The following GAB1 variants were observed in gnomAD, a reference collection of about 807,000 sequenced individuals.
GAB1 encodes GRB2 associated binding protein 1.
GAB1 carries 19 observed loss-of-function variants against 66.5 expected under a neutral mutation model. The observed-to-expected ratio is 0.29, with a 90% confidence interval of 0.20 to 0.42. The LOEUF is 0.42. Among genes scored for constraint, GAB1 ranks in the 10% least tolerant of loss-of-function variants. GAB1 has a pLI of 1.00. For missense variants in GAB1, 732 were observed against 858.5 expected (o/e 0.85, Z 1.84); for synonymous variants, 294 against 301.4 (o/e 0.98, Z 0.25).
At chr4:143,387,807 A>G (rs188950884) in intron 1 of GAB1, among the ~76,000 whole-genome samples, 91 of 152,240 alleles carry the variant, frequency 6.0e-4, no homozygotes, top group African/African-American at 2.1e-3. Flanking sequence ...CAAGCCTCTA[A>G]GGTCCTCCCG....
intron 2 of GAB1, 100 bp downstream of exon 2, chr4:143,415,871 G>A (rs1475138007): frequency 2.1e-6 from 2 of 936,456 alleles, no homozygotes; most frequent in Non-Finnish European, 3.1e-6. Context: ...ACAATATAAT[G>A]TTTTATTTTT....
In GAB1 at chr4:143,443,096, A is replaced by G. The variant is rs1734328351; in HGVS notation, c.1585+2714A>G. ...CAGTGGCGCGATCTCGGCTCACTGC[A>G]AGCTCCGCCTCTGGGGTTCACGCCA... On this transcript the variant is annotated intron_variant, in intron 6 of 9. Transcript: ENST00000262994. Among the ~76,000 whole-genome samples the G allele has an allele frequency of 2.7e-5, 4 of 147,200 alleles. No homozygotes were observed. The South Asian group carries it at 8.5e-4, about 31-fold the overall frequency.
chr4:143,451,865 C>T (rs958051984), intron 6 of GAB1, among the ~76,000 whole-genome samples: 9 of 151,130 alleles, frequency 6.0e-5, no homozygotes, highest in African/African-American at 2.2e-4. Flanking sequence ...TCATCACTTT[C>T]AGAGAAACAA....
At chr4:143,445,910 A>C (rs1270461482) in intron 6 of GAB1, among the ~76,000 whole-genome samples, 1 of 152,144 alleles carries the variant, frequency 6.6e-6, no homozygotes, top group African/African-American at 2.4e-5. Flanking sequence ...GTCATTTAAC[A>C]TTAGGTATAT....
chr4:143,431,345 G>C (rs1401066586), intron 2 of GAB1, among the ~76,000 whole-genome samples: 1 of 152,124 alleles, frequency 6.6e-6, no homozygotes, highest in East Asian at 1.9e-4. Context: ...ATTAAGGGTG[G>C]CAAGGCAAAA....
chr4:143,426,738 G>A (rs1464189473), intron 2 of GAB1, among the ~76,000 whole-genome samples: 1 of 152,016 alleles, frequency 6.6e-6, no homozygotes, highest in Non-Finnish European at 1.5e-5. Flanking sequence ...TATTATTCAG[G>A]CTTCATTATT....
chr4:143,406,048 G>A (rs1215556724), intron 1 of GAB1, among the ~76,000 whole-genome samples: 2 of 152,094 alleles, frequency 1.3e-5, no homozygotes, highest in Non-Finnish European at 2.9e-5. Flanking sequence ...TATTTACTCA[G>A]TTTCCTACTG....
chr4:143,414,170 G>A (rs1732557005), intron 1 of GAB1, among the ~76,000 whole-genome samples: 1 of 152,082 alleles, frequency 6.6e-6, no homozygotes, highest in Non-Finnish European at 1.5e-5. Context: ...TGAATCTGGA[G>A]CAGAGAATGT....
At chr4:143,368,641 C>T (rs1216189801) in intron 1 of GAB1, among the ~76,000 whole-genome samples, 2 of 151,986 alleles carry the variant, frequency 1.3e-5, no homozygotes, top group Admixed American at 1.3e-4. Flanking sequence ...ATTTTTTCCT[C>T]TTTGCTTATA....
intron 2 of GAB1, among the ~76,000 whole-genome samples, chr4:143,427,422 G>A (rs886861507): frequency 2.0e-5 from 3 of 151,944 alleles, no homozygotes; most frequent in Admixed American, 6.6e-5. Context: ...TAGACAAACC[G>A]GGTTATTAAA....
chr4:143,390,360 G>A (rs906544657), intron 1 of GAB1, among the ~76,000 whole-genome samples: 2 of 151,302 alleles, frequency 1.3e-5, no homozygotes, highest in Non-Finnish European at 2.9e-5. Context: ...AGATACCACC[G>A]AAGAAAAATC....
At chr4:143,457,823 T>C in intron 6 of GAB1, 1 of 955,902 alleles carries the variant, frequency 1.0e-6, no homozygotes, top group East Asian at 2.9e-5. Flanking sequence ...TATTTTGTAA[T>C]GTTTTTTGTT....
chr4:143,365,550 C>T (rs1729850524), intron 1 of GAB1, among the ~76,000 whole-genome samples: 2 of 152,152 alleles, frequency 1.3e-5, no homozygotes, highest in Non-Finnish European at 1.5e-5. Flanking sequence ...CTCTTGACAA[C>T]TTTACCCTGT....
At chr4:143,373,030 G>T (rs1394662646) in intron 1 of GAB1, among the ~76,000 whole-genome samples, 2 of 140,798 alleles carry the variant, frequency 1.4e-5, no homozygotes, top group African/African-American at 2.8e-5. Flanking sequence ...TCTGAGGATT[G>T]AATTTCCTTT....
At chr4:143,406,074 G>A (rs1272193491) in intron 1 of GAB1, among the ~76,000 whole-genome samples, 1 of 152,118 alleles carries the variant, frequency 6.6e-6, no homozygotes, top group Non-Finnish European at 1.5e-5. Context: ...AATCATCTGG[G>A]TTTGCCCAGG....
chr4:143,374,288 T>G (rs1730318504), intron 1 of GAB1, among the ~76,000 whole-genome samples: 1 of 152,104 alleles, frequency 6.6e-6, no homozygotes, highest in Non-Finnish European at 1.5e-5. Flanking sequence ...GTCAGGTGAC[T>G]TGTCACTGAG....
chr4:143,339,711 C>T (rs1037067065), intron 1 of GAB1, among the ~76,000 whole-genome samples: 1 of 152,108 alleles, frequency 6.6e-6, no homozygotes, highest in Non-Finnish European at 1.5e-5. Context: ...GCCAACAGTG[C>T]AAAGTGGTAT....
At chr4:143,457,772 A>G (rs892725091) in intron 6 of GAB1, 10 of 1,513,792 alleles carry the variant, frequency 6.6e-6, no homozygotes, top group South Asian at 2.4e-5. Context: ...AAGAAAGGGT[A>G]TGTACTTTAG....
At chr4:143,372,914 T>G (rs535481915) in intron 1 of GAB1, among the ~76,000 whole-genome samples, 38 of 152,368 alleles carry the variant, frequency 2.5e-4, no homozygotes, top group African/African-American at 8.9e-4. Context: ...CCTCTTAAAA[T>G]GATGCTCCCA....
Sources: allele counts gnomAD v4.1 joint callset (sites outside exome capture counted in the v4.1 genomes callset), GRCh38; gene constraint gnomAD v4.1.1; transcripts MANE v1.5; gene names NCBI Gene and HGNC (gene_info 2026-07-23, HGNC 2026-07-21).